MYO9B: variants seen among roughly 807,000 people sequenced by gnomAD.
MYO9B encodes myosin IXB, also known as unconventional myosin-IXb.
MYO9B carries 71 observed loss-of-function variants against 229.5 expected under a neutral mutation model. The observed-to-expected ratio is 0.31, with a 90% CI of 0.26 to 0.38. The LOEUF (loss-of-function observed/expected upper bound fraction) is 0.38. Among genes scored for constraint, MYO9B ranks in the 10% least tolerant of loss-of-function variants. The probability of loss-of-function intolerance (pLI) is 1.00; values close to 1 mark genes in which losing one functional copy is unlikely to be tolerated. For synonymous variants in MYO9B, 1,185 were observed against 1,235.8 expected (o/e 0.96, Z 0.86); for missense variants, 2,255 against 2,920.5 (o/e 0.77, Z 5.25).
intron 2 of MYO9B, among the ~76,000 whole-genome samples, chr19:17,122,184 G>A (rs984118033): frequency 2.0e-5 from 3 of 152,158 alleles, no homozygotes; most frequent in African/African-American, 7.2e-5. Flanking sequence ...GTGCAAGCTG[G>A]TTGCAAAGTG....
rs1412252386 is a variant in MYO9B, at chr19:17,101,787, C to A, written c.70C>A (p.Gln24Lys). The change falls in exon 2 of 40, where the codon CAG becomes AAG. Residue 24 changes from glutamine to lysine, a missense_variant. By Grantham distance (53) the Gln-to-Lys change is moderately conservative. Transcript: ENST00000682292. This position sits in a 1 kb window ranked among gnomAD's most constrained non-coding sequence, Gnocchi z 4.7. ...QAAYHLHIYP[Q>K]LSTTESQASC... ...GGCCTACCACCTGCACATCTACCCCCAGCTGTCCACCACCGAGAGCCAGGC... is the reference window on the plus strand; with the variant it reads ...GGCCTACCACCTGCACATCTACCCCAAGCTGTCCACCACCGAGAGCCAGGC... 1.3e-6 allele frequency: 2 copies of A among 1,598,350 alleles called. No individual in the cohort carries two copies. The highest frequency in any genetic ancestry group is 1.7e-5 in the Admixed American group (1 of 59,046).
At chr19:17,187,737 G>A (rs149742695) in intron 18 of MYO9B, among the ~76,000 whole-genome samples, 198 bp from the exon 19 acceptor site, 186 of 152,102 alleles carry the variant, frequency 1.2e-3, no homozygotes, top group African/African-American at 4.1e-3. Context: ...CCTGGCTGCC[G>A]TGCCGTAGAA....
intron 34 of MYO9B, 25 bp from the exon 35 acceptor site, chr19:17,207,088 C>T (rs2073170665): frequency 1.2e-6 from 2 of 1,609,730 alleles, no homozygotes; most frequent in East Asian, 2.2e-5. Context: ...CCCTAGCCAT[C>T]CTCTAACTGC....
intron 17 of MYO9B, 120 bp from the exon 18 acceptor site, chr19:17,185,801 A>T: frequency 1.4e-6 from 1 of 719,722 alleles, no homozygotes; most frequent in Non-Finnish European, 2.4e-6. Context: ...CCAGGGACCC[A>T]CATCTGTGCA....
At chr19:17,170,386 T>C (rs1182669232) in intron 11 of MYO9B, among the ~76,000 whole-genome samples, 1 of 152,032 alleles carries the variant, frequency 6.6e-6, no homozygotes, top group East Asian at 1.9e-4. Context: ...CCCTTGCCAA[T>C]GACATCTCCA....
chr19:17,198,004 G>T (rs1051217365), intron 23 of MYO9B, 146 bp downstream of exon 23: 34 of 1,320,268 alleles, frequency 2.6e-5, no homozygotes, highest in Non-Finnish European at 3.2e-5. Context: ...GTTGTAGTGA[G>T]CCTCGCGAGA....
chr19:17,210,394 C>T lies in MYO9B; in HGVS notation c.5796+14C>T, dbSNP rs375171980. The T allele has an allele frequency of 1.8e-5, 29 of 1,584,802 alleles. No homozygotes were observed. The highest frequency in any genetic ancestry group is 1.7e-4 in the Middle Eastern group (1 of 6,012). ...GAGGGGGTCCTGGTATGTACGCGTTCGGTGGGCCCGCGGTGCATGTCTCCC... is the reference window on the plus strand; with the variant it reads ...GAGGGGGTCCTGGTATGTACGCGTTTGGTGGGCCCGCGGTGCATGTCTCCC... On this transcript the variant is annotated intron_variant, in intron 37 of 39. Transcript: ENST00000682292.
At chr19:17,112,951 A>G (rs913695261) in intron 2 of MYO9B, among the ~76,000 whole-genome samples, 1 of 152,238 alleles carries the variant, frequency 6.6e-6, no homozygotes, top group Non-Finnish European at 1.5e-5. Flanking sequence ...GATGAGATTC[A>G]GGGCATAGGC....
intron 10 of MYO9B, among the ~76,000 whole-genome samples, chr19:17,163,696 G>T (rs2072629432): frequency 6.6e-6 from 1 of 152,072 alleles, no homozygotes; most frequent in Admixed American, 6.6e-5. Flanking sequence ...TATCATTTTT[G>T]ACTAAGTGCC....
At chr19:17,209,813 G>C (rs1254355933) in intron 36 of MYO9B, 104 bp downstream of exon 36, 2 of 1,434,926 alleles carry the variant, frequency 1.4e-6, no homozygotes, top group Non-Finnish European at 1.9e-6. Flanking sequence ...CTGGTGAGTG[G>C]GGTCTTGGTG....
rs770681971 is a variant in MYO9B, at chr19:17,183,804, A to G, written c.2334-25A>G. The G allele has an allele frequency of 5.2e-6, 8 of 1,549,846 alleles. No individual in the cohort carries two copies. The African/African-American group carries it at 5.5e-5, about 11-fold the overall frequency. On this transcript the variant is annotated intron_variant, in intron 15 of 39. Transcript: ENST00000682292. ...CCGACACTGTGTTCCTTTTGTTCAC[A>G]AAACCATTTTTAATATTTTGACAGG...
rs1221597800 is a variant in MYO9B at position 17,205,852 on chromosome 19, G to A, written c.5065-108G>A. The A allele has an allele frequency of 1.9e-5, 21 of 1,103,898 alleles. No individual in the cohort carries two copies. The East Asian group carries it at 4.7e-4, about 25-fold the overall frequency. 68.4% of individuals were successfully genotyped at this position (1,103,898 alleles called of 1,614,324 possible). A position where few individuals can be genotyped will look rare whatever the true frequency, so the allele number is the denominator to read the frequency against. ...GGAGACAGGGAGGGACAGAACAGCA[G>A]AGGAAGCCCTGAGGGCCTTGTGCGG... On this transcript the variant is annotated intron_variant, in intron 31 of 39. Transcript: ENST00000682292.
intron 1 of MYO9B, among the ~76,000 whole-genome samples, chr19:17,090,046 G>A (rs2057621648): frequency 7.0e-6 from 1 of 143,122 alleles, no homozygotes; most frequent in South Asian, 2.2e-4. Context: ...GGTCTTTCGT[G>A]TCTGACTTCT....
chr19:17,132,622 A>C (rs1288744554), intron 2 of MYO9B, among the ~76,000 whole-genome samples: 1 of 137,924 alleles, frequency 7.3e-6, no homozygotes, highest in African/African-American at 2.8e-5. Flanking sequence ...TCCACCTCCC[A>C]GGTTCGTGCC....
At chr19:17,082,327 T>C (rs1289233438) in intron 1 of MYO9B, among the ~76,000 whole-genome samples, 1 of 151,996 alleles carries the variant, frequency 6.6e-6, no homozygotes, top group African/African-American at 2.4e-5. Context: ...ATGGGGGAAG[T>C]GGGAGACCTG....
At chr19:17,132,300 C>T (rs1324391070) in intron 2 of MYO9B, among the ~76,000 whole-genome samples, 10 of 145,558 alleles carry the variant, frequency 6.9e-5, no homozygotes, top group Non-Finnish European at 1.5e-4. Context: ...ATTCTCTTGC[C>T]TCAGCCTCCC....
chr19:17,197,427 G>GGTAC (rs139687982), intron 22 of MYO9B, among the ~76,000 whole-genome samples: 65,651 of 140,962 alleles, frequency 0.47, 15,018 homozygotes, highest in East Asian at 0.7. Context: ...TAGATAGATA[G>GGTAC]ATAGATAGAT....
At position 17,193,922 on chromosome 19, in the gene MYO9B, CAGCACT is replaced by C. The variant is rs1216696545; in HGVS notation, c.3129-633_3129-628del. On this transcript the variant is annotated intron_variant, in intron 21 of 39. Coordinates refer to ENST00000682292, the MANE Select transcript of MYO9B (RefSeq NM_004145.4). This position sits in a 1 kb window ranked among gnomAD's most constrained non-coding sequence, Gnocchi z 4.3. ...GCATAGTGGCTCACACCTGTAAGGC[CAGCACT>C]TTGGGAGGCCAAGGCAGGCAGATCA... 8.7e-4 allele frequency among the ~76,000 whole-genome samples: 132 copies of C among 152,264 alleles called. 1 individual carries two copies. The highest frequency in any genetic ancestry group is 3.2e-3 in the African/African-American group (131 of 41,550).
In MYO9B at chr19:17,206,327, C is replaced by G. The variant is rs751536054; in HGVS notation, c.5337C>G (p.Pro1779=). 3 of 1,609,314 alleles carry G rather than the reference C, an allele frequency of 1.9e-6. No individual in the cohort carries two copies. The highest frequency in any genetic ancestry group is 1.3e-5 in the African/African-American group (1 of 74,858). ...TGAAGCAGTGGCTGCGGGAGCTGCC[C>G]GAGCCCCTCATGACCTTCGCACAGT... ...GVLKQWLREL[P]EPLMTFAQYG... The change falls in exon 33 of 40, where the codon CCC becomes CCG. Residue 1779 remains proline (P), a synonymous_variant. Transcript: ENST00000682292.
Sources: gnomAD v4.1 joint callset for allele counts (sites outside exome capture counted in the v4.1 genomes callset) on GRCh38, gnomAD v4.1.1 for gene constraint, Gnocchi (gnomAD v3.1) non-coding constraint, MANE v1.5 for transcripts, NCBI Gene and HGNC (gene_info 2026-07-23, HGNC 2026-07-21) for gene names.